Variants in FMN2 observed in about 807,000 individuals in gnomAD.
FMN2 encodes formin-2.
A neutral mutation model predicts 142.3 loss-of-function variants in FMN2; 51 were observed. That is an observed-to-expected ratio of 0.36 (90% CI 0.29 to 0.45). The LOEUF is 0.45. Among genes scored for constraint, FMN2 ranks in the 20% least tolerant of loss-of-function variants. The pLI, the probability that FMN2 is intolerant of heterozygous loss-of-function variation, is 1.00. For synonymous variants in FMN2, 882 were observed against 869.8 expected (o/e 1.01, Z -0.25); for missense variants, 1,936 against 2,122.8 (o/e 0.91, Z 1.73).
chr1:240,151,301 A>G (rs1251797228), intron 2 of FMN2, among the ~76,000 whole-genome samples: 3 of 152,210 alleles, frequency 2.0e-5, no homozygotes, highest in Non-Finnish European at 4.4e-5. Flanking sequence ...ACCCTAGTCT[A>G]TAAGTAGCAG....
intron 16 of FMN2, among the ~76,000 whole-genome samples, chr1:240,456,681 C>G (rs901340927): frequency 2.0e-5 from 3 of 152,156 alleles, no homozygotes; most frequent in Non-Finnish European, 4.4e-5. Flanking sequence ...GTCGCGAACT[C>G]CCGACCTCAG....
At chr1:240,251,913 A>G in intron 6 of FMN2, among the ~76,000 whole-genome samples, 1 of 152,076 alleles carries the variant, frequency 6.6e-6, no homozygotes, top group South Asian at 2.1e-4. Flanking sequence ...ATTTTGTTTT[A>G]TTTATTTATT....
At chr1:240,171,731 G>A (rs1484574833) in intron 2 of FMN2, among the ~76,000 whole-genome samples, 1 of 152,142 alleles carries the variant, frequency 6.6e-6, no homozygotes, top group Admixed American at 6.5e-5. Context: ...GTGGATTATA[G>A]CTCTGAGTTA....
chr1:240,374,589 TCTTCTATAG>T (rs1390492851), intron 14 of FMN2, among the ~76,000 whole-genome samples: 1 of 152,220 alleles, frequency 6.6e-6, no homozygotes, highest in Non-Finnish European at 1.5e-5. Context: ...TTCAAACTTT[TCTTCTATAG>T]CTTCCTCGCC....
chr1:240,162,206 C>T (rs1664309408), intron 2 of FMN2, among the ~76,000 whole-genome samples: 1 of 151,676 alleles, frequency 6.6e-6, no homozygotes, highest in Non-Finnish European at 1.5e-5. Flanking sequence ...TGGCTCATGC[C>T]TGTAATCCCA....
chr1:240,184,270 T>C (rs539644349), intron 3 of FMN2, among the ~76,000 whole-genome samples: 1 of 117,574 alleles, frequency 8.5e-6, no homozygotes. Context: ...TGAGACTTGC[T>C]CTGTCGCCCA....
rs144004970 is a variant in FMN2 at position 240,314,262 on chromosome 1, G to A, written c.4216-14814G>A. Among the ~76,000 whole-genome samples the A allele has an allele frequency of 2.3e-3, 346 of 152,252 alleles. 1 individual carries two copies. The highest frequency in any genetic ancestry group is 7.9e-3 in the African/African-American group (329 of 41,544). On this transcript the variant is annotated intron_variant, in intron 8 of 17. Coordinates refer to ENST00000319653, the MANE Select transcript of FMN2 (RefSeq NM_020066.5). ...AAAGGGGGAGTAGATCATAAAGACTGTGGTGTTTTGGGAGGGGAAATATGG... is the reference window on the plus strand; with the variant it reads ...AAAGGGGGAGTAGATCATAAAGACTATGGTGTTTTGGGAGGGGAAATATGG...
chr1:240,153,764 A>C, intron 2 of FMN2, among the ~76,000 whole-genome samples: 1 of 152,124 alleles, frequency 6.6e-6, no homozygotes, highest in East Asian at 1.9e-4. Flanking sequence ...GCCTCATTTA[A>C]ATTTCATGAA....
At chr1:240,142,519 G>A (rs1558316792) in intron 2 of FMN2, among the ~76,000 whole-genome samples, 1 of 76,876 alleles carries the variant, frequency 1.3e-5, no homozygotes, top group Non-Finnish European at 2.8e-5. Flanking sequence ...GGGGGATAAA[G>A]GTCTTTATTG....
At chr1:240,380,016 T>A (rs1028590758) in intron 14 of FMN2, among the ~76,000 whole-genome samples, 2 of 152,078 alleles carry the variant, frequency 1.3e-5, no homozygotes, top group African/African-American at 4.8e-5. Flanking sequence ...AGACAAGAGA[T>A]AGACAGCAAT....
intron 8 of FMN2, among the ~76,000 whole-genome samples, chr1:240,301,792 T>C (rs977974108): frequency 6.6e-5 from 10 of 151,930 alleles, no homozygotes; most frequent in Admixed American, 5.2e-4. Context: ...TGCCTTTAGG[T>C]TTTTCTTTTT....
chr1:240,248,487 A>AT (rs1668162682), intron 6 of FMN2, among the ~76,000 whole-genome samples: 1 of 148,792 alleles, frequency 6.7e-6, no homozygotes, highest in East Asian at 2.0e-4. Context: ...ATTTAAAAAT[A>AT]TTTTTTCTTT....
chr1:240,320,049 T>C (rs1259607474), intron 8 of FMN2, among the ~76,000 whole-genome samples: 1 of 152,140 alleles, frequency 6.6e-6, no homozygotes, highest in East Asian at 1.9e-4. Flanking sequence ...CGCTGGCTGG[T>C]GGTGACTGGT....
chr1:240,231,678 T>C (rs909555086), intron 6 of FMN2, among the ~76,000 whole-genome samples: 1 of 152,214 alleles, frequency 6.6e-6, no homozygotes, highest in Non-Finnish European at 1.5e-5. Flanking sequence ...ACTGATTCAG[T>C]AGTTTTGCAT....
intron 13 of FMN2, among the ~76,000 whole-genome samples, chr1:240,350,412 A>C (rs75546147): frequency 0.017 from 2,523 of 152,316 alleles, 88 homozygotes; most frequent in African/African-American, 0.058. Flanking sequence ...ACAGGGTCTT[A>C]GTACTTCCTC....
rs1057159086 is a variant in FMN2 at position 240,347,728 on chromosome 1, C to T, written c.4766-8088C>T. 4.6e-5 allele frequency among the ~76,000 whole-genome samples: 7 copies of T among 152,080 alleles called. No individual in the cohort carries two copies. The South Asian group carries it at 1.2e-3, about 27-fold the overall frequency. On this transcript the variant is annotated intron_variant, in intron 13 of 17. Coordinates refer to ENST00000319653, the MANE Select transcript of FMN2 (RefSeq NM_020066.5). ...CTCTAATAGACCCCAGCGTTGATCG[C>T]GCTCATCTTTATGTCTGTGTATACC...
intron 15 of FMN2, among the ~76,000 whole-genome samples, chr1:240,402,221 A>C (rs979958339): frequency 2.0e-5 from 3 of 152,248 alleles, no homozygotes; most frequent in Non-Finnish European, 4.4e-5. Context: ...TCTTCTATAA[A>C]TAGTATTAAA....
At chr1:240,451,529 G>C (rs1676044944) in intron 16 of FMN2, among the ~76,000 whole-genome samples, 1 of 152,026 alleles carries the variant, frequency 6.6e-6, no homozygotes, top group South Asian at 2.1e-4. Flanking sequence ...GCTGGGAAAT[G>C]AGATGATTGG....
At chr1:240,226,154 T>C (rs1035049603) in intron 6 of FMN2, among the ~76,000 whole-genome samples, 1 of 152,158 alleles carries the variant, frequency 6.6e-6, no homozygotes, top group Non-Finnish European at 1.5e-5. Flanking sequence ...TGAAAACTTC[T>C]CAACTTTATG....
Sources: gnomAD v4.1 joint callset for allele counts (sites outside exome capture counted in the v4.1 genomes callset) on GRCh38, gnomAD v4.1.1 for gene constraint, MANE v1.5 for transcripts, NCBI Gene and HGNC (gene_info 2026-07-23, HGNC 2026-07-21) for gene names.